ADGRV1: variants seen among roughly 807,000 people sequenced by gnomAD.
ADGRV1 encodes the protein adhesion G protein-coupled receptor V1.
A neutral mutation model predicts 596.2 loss-of-function variants in ADGRV1; 359 were observed. The observed-to-expected ratio is 0.60, with a 90% CI of 0.55 to 0.66. ADGRV1 has a LOEUF of 0.66. Ranked by LOEUF, ADGRV1 falls within the 30% of genes least tolerant of loss-of-function variation. The pLI is 0.00. For synonymous variants in ADGRV1, 2,681 were observed against 2,679.2 expected (o/e 1.00, Z -0.02); for missense variants, 7,274 against 7,575.6 (o/e 0.96, Z 1.48).
chr5:90,784,724 C>T (rs867390706), intron 67 of ADGRV1, among the ~76,000 whole-genome samples: 2 of 152,014 alleles, frequency 1.3e-5, no homozygotes, highest in African/African-American at 4.8e-5. Context: ...CACATGGAAC[C>T]TCCTAAGCCA....
chr5:90,910,642 A>T (rs990925522), intron 83 of ADGRV1, among the ~76,000 whole-genome samples: 1 of 151,656 alleles, frequency 6.6e-6, no homozygotes, highest in South Asian at 2.1e-4. Context: ...TTTGAGAATA[A>T]ACATATATAT....
At chr5:90,665,676 T>A (rs528607751) in intron 21 of ADGRV1, among the ~76,000 whole-genome samples, 1 of 149,638 alleles carries the variant, frequency 6.7e-6, no homozygotes, top group African/African-American at 2.5e-5. Flanking sequence ...TGTTTGCTCT[T>A]GCTTTTCTAG....
chr5:90,914,942 A>G (rs1773213751), intron 83 of ADGRV1, among the ~76,000 whole-genome samples: 1 of 152,184 alleles, frequency 6.6e-6, no homozygotes, highest in African/African-American at 2.4e-5. Flanking sequence ...CCCTGCCTAC[A>G]TGCTCCCCTA....
intron 43 of ADGRV1, among the ~76,000 whole-genome samples, chr5:90,718,728 T>A (rs545775320): frequency 7.2e-5 from 11 of 152,076 alleles, no homozygotes; most frequent in African/African-American, 2.6e-4. Flanking sequence ...TTGAAATATT[T>A]TATTAATTTT....
chr5:90,954,834 A>C (rs879919651), intron 83 of ADGRV1, among the ~76,000 whole-genome samples: 2 of 152,200 alleles, frequency 1.3e-5, no homozygotes, highest in African/African-American at 2.4e-5. Flanking sequence ...GTAATTAATT[A>C]GAGTGAATTA....
chr5:90,864,464 T>C (rs1767901458), intron 83 of ADGRV1, among the ~76,000 whole-genome samples: 1 of 152,146 alleles, frequency 6.6e-6, no homozygotes, highest in Non-Finnish European at 1.5e-5. Flanking sequence ...TCTAGAAAAG[T>C]AGATGTACAT....
At position 90,975,301 on chromosome 5, in the gene ADGRV1, C is replaced by T. The variant is rs536220488; in HGVS notation, c.17973+9770C>T. Among the ~76,000 whole-genome samples the T allele has an allele frequency of 1.9e-4, 29 of 152,162 alleles. No individual in the cohort carries two copies. The South Asian group carries it at 5.6e-3, about 29-fold the overall frequency. On this transcript the variant is annotated intron_variant, in intron 84 of 89. Transcript: ENST00000405460. ...TGTGGAAGACAGTGTGGCGATTCCT[C>T]AAGGATCTAGAACTAGAAATACCAT... is the stretch of plus-strand genomic sequence containing the variant.
chr5:91,078,135 G>A (rs1160660804), intron 86 of ADGRV1, among the ~76,000 whole-genome samples: 2 of 152,138 alleles, frequency 1.3e-5, no homozygotes, highest in African/African-American at 4.8e-5. Flanking sequence ...AGCATTATTT[G>A]AGGATGAATG....
chr5:90,872,977 T>C (rs1215604200), intron 83 of ADGRV1, among the ~76,000 whole-genome samples: 2 of 152,216 alleles, frequency 1.3e-5, no homozygotes, highest in East Asian at 3.8e-4. Flanking sequence ...TGAGTGGTCC[T>C]TACAAAATTG....
intron 84 of ADGRV1, among the ~76,000 whole-genome samples, chr5:90,971,842 C>T (rs879019178): frequency 2.0e-5 from 3 of 152,204 alleles, no homozygotes; most frequent in Admixed American, 1.3e-4. Context: ...ATCAGATTCA[C>T]ACATAACAAT....
intron 85 of ADGRV1, among the ~76,000 whole-genome samples, chr5:91,067,142 A>T (rs1166638203): frequency 7.7e-6 from 1 of 130,402 alleles, no homozygotes; most frequent in South Asian, 2.5e-4. Context: ...TGCAAAGGAG[A>T]TTTTTTTTTT....
intron 89 of ADGRV1, among the ~76,000 whole-genome samples, chr5:91,160,231 TA>T (rs1796830885): frequency 6.6e-6 from 1 of 152,244 alleles, no homozygotes; most frequent in Non-Finnish European, 1.5e-5. Flanking sequence ...AACTCATCAA[TA>T]AATTTCTCTT....
chr5:91,109,000 T>G (rs1792137471), intron 87 of ADGRV1, among the ~76,000 whole-genome samples: 2 of 152,180 alleles, frequency 1.3e-5, no homozygotes, highest in African/African-American at 4.8e-5. Context: ...TTCCTAAAAT[T>G]TCAAAGGTGA....
chr5:90,586,031 T>A (rs146825065), intron 1 of ADGRV1, among the ~76,000 whole-genome samples: 145 of 152,302 alleles, frequency 9.5e-4, no homozygotes, highest in Middle Eastern at 3.4e-3. Context: ...CTTGCAGCAG[T>A]CCCTAGTTGG....
intron 75 of ADGRV1, 112 bp downstream of exon 75, chr5:90,815,848 A>C (rs1284194762): frequency 1.7e-5 from 11 of 641,048 alleles, no homozygotes. Flanking sequence ...GGTAGTGTCG[A>C]ATTTGGCACG....
At chr5:90,803,010 A>C in intron 71 of ADGRV1, 128 bp downstream of exon 71, 1 of 636,042 alleles carries the variant, frequency 1.6e-6, no homozygotes. Flanking sequence ...AACTCTGTGA[A>C]TATCAAAGTA....
intron 84 of ADGRV1, among the ~76,000 whole-genome samples, chr5:90,976,928 A>G (rs1308726347): frequency 6.6e-6 from 1 of 152,176 alleles, no homozygotes; most frequent in Non-Finnish European, 1.5e-5. Context: ...TGGTAGAATA[A>G]GGTTAGAAAT....
chr5:90,634,322 A>G (rs1317467117), intron 9 of ADGRV1, among the ~76,000 whole-genome samples: 1 of 152,214 alleles, frequency 6.6e-6, no homozygotes, highest in African/African-American at 2.4e-5. Context: ...TGCAGTTTCA[A>G]GTCTATGTCA....
intron 26 of ADGRV1, among the ~76,000 whole-genome samples, 176 bp from the exon 27 acceptor site, chr5:90,681,139 A>G (rs1045011243): frequency 2.6e-5 from 4 of 152,246 alleles, no homozygotes; most frequent in African/African-American, 7.2e-5. Flanking sequence ...GAAAGGTCAT[A>G]AAAGCATGAA....
Sources: allele counts gnomAD v4.1 joint callset (sites outside exome capture counted in the v4.1 genomes callset), GRCh38; gene constraint gnomAD v4.1.1; transcripts MANE v1.5; gene names NCBI Gene and HGNC (gene_info 2026-07-23, HGNC 2026-07-21).